ECT2: variants seen among roughly 807,000 people sequenced by gnomAD.
ECT2 encodes protein ECT2.
In ECT2, 61 loss-of-function variants were observed where a neutral mutation model predicts 116.9. The observed-to-expected ratio is 0.52, with a 90% CI of 0.42 to 0.65. The LOEUF (loss-of-function observed/expected upper bound fraction) is 0.65. ECT2 is among the 30% of genes least tolerant of loss of function. ECT2 has a pLI of 0.00. For missense variants in ECT2, 937 were observed against 1,078.7 expected (o/e 0.87, Z 1.84); for synonymous variants, 358 against 346.4 (o/e 1.03, Z -0.37).
intron 18 of ECT2, among the ~76,000 whole-genome samples, chr3:172,797,117 C>T (rs1325920485): frequency 6.6e-6 from 1 of 151,640 alleles, no homozygotes; most frequent in East Asian, 1.9e-4. Flanking sequence ...GCAACCTCCA[C>T]TTCCCAGGCT....
intron 12 of ECT2, among the ~76,000 whole-genome samples, chr3:172,768,484 AC>A (rs1258968990): frequency 4.6e-5 from 7 of 152,182 alleles, no homozygotes; most frequent in Non-Finnish European, 1.5e-5. Flanking sequence ...AGCTTTAAGT[AC>A]TTAAATGTCT....
Position 172,816,751 on chromosome 3 carries a change from A to G in ECT2, c.2569A>G (p.Thr857Ala). The change falls in exon 24 of 25, where the codon ACA (threonine) becomes GCA (alanine). Residue 857 changes from threonine to alanine, a missense_variant. Physicochemically the swap from Thr to Ala is moderately conservative, Grantham distance 58 (BLOSUM62 0). Transcript: ENST00000392692. Reference sequence around the variant, plus strand: ...AAGAGCTCTTCGAAGGGCTCTTATGACATCCCACGGCTCAGTGGAGGGAAG... The same window carrying G: ...AAGAGCTCTTCGAAGGGCTCTTATGGCATCCCACGGCTCAGTGGAGGGAAG... ...PKRALRRALM[T>A]SHGSVEGRSP... 1 of 1,611,006 alleles carries G rather than the reference A, an allele frequency of 6.2e-7. No individual in the cohort carries two copies. The highest frequency in any genetic ancestry group is 8.5e-7 in the Non-Finnish European group (1 of 1,177,908).
At chr3:172,802,174 G>C (rs1041551517) in intron 18 of ECT2, among the ~76,000 whole-genome samples, 1 of 152,060 alleles carries the variant, frequency 6.6e-6, no homozygotes, top group African/African-American at 2.4e-5. Flanking sequence ...GAGTGGAATG[G>C]TGTGATCTTG....
At position 172,755,316 on chromosome 3, in the gene ECT2, CAA is replaced by C. The variant is rs755040037; in HGVS notation, c.153_154del (p.Arg52SerfsTer21). ...ACAGAAGAGATGCCTCAGATTGAAA[CAA>C]GAGTGATATTGGTTCAAGAAGCTGG... On this transcript the variant is annotated frameshift_variant, in exon 3 of 25. Transcript: ENST00000392692. LOFTEE classifies it high-confidence loss of function. 6 of 1,605,522 alleles carry C rather than the reference CAA, an allele frequency of 3.7e-6. No homozygotes were observed. Among genetic ancestry groups the C allele is most frequent in the Non-Finnish European group, 5.1e-6 (6 of 1,178,020 alleles).
At chr3:172,806,461 C>T (rs1455515703) in intron 21 of ECT2, among the ~76,000 whole-genome samples, 5 of 152,058 alleles carry the variant, frequency 3.3e-5, no homozygotes, top group Non-Finnish European at 7.4e-5. Context: ...ACAACAGTGT[C>T]ATCTGTTTAA....
chr3:172,779,286 TTC>T (rs1722288859), intron 14 of ECT2, among the ~76,000 whole-genome samples: 1 of 152,192 alleles, frequency 6.6e-6, no homozygotes, highest in Admixed American at 6.5e-5. Flanking sequence ...ATATTTTTCT[TTC>T]TTTTTTTTCT....
At chr3:172,770,895 G>T (rs1236771189) in intron 13 of ECT2, among the ~76,000 whole-genome samples, 1 of 152,006 alleles carries the variant, frequency 6.6e-6, no homozygotes, top group Non-Finnish European at 1.5e-5. Context: ...CAAATGGAAG[G>T]TATCAGCATA....
chr3:172,806,868 C>G (rs571616915), intron 21 of ECT2, among the ~76,000 whole-genome samples: 26 of 152,078 alleles, frequency 1.7e-4, no homozygotes, highest in Non-Finnish European at 3.4e-4. Flanking sequence ...GTCTTGAACT[C>G]CTGACCTCAA....
chr3:172,770,363 A>G (rs566878856), intron 13 of ECT2, among the ~76,000 whole-genome samples: 2 of 151,548 alleles, frequency 1.3e-5, no homozygotes, highest in South Asian at 4.1e-4. Flanking sequence ...TTGCATATCA[A>G]TTAAATTCAC....
chr3:172,751,636 T>C (rs73880258), intron 1 of ECT2, among the ~76,000 whole-genome samples: 9,328 of 152,254 alleles, frequency 0.061, 965 homozygotes, highest in African/African-American at 0.21. Flanking sequence ...GTCCTTCACC[T>C]TGGAAGATGA....
intron 14 of ECT2, among the ~76,000 whole-genome samples, chr3:172,774,666 T>A (rs11916712): frequency 0.061 from 9,298 of 151,890 alleles, 962 homozygotes; most frequent in African/African-American, 0.21. Context: ...CTAATTTTTT[T>A]AAAAAAGTTT....
At chr3:172,819,876 T>C (rs1007828302) in intron 24 of ECT2, among the ~76,000 whole-genome samples, 7 of 152,148 alleles carry the variant, frequency 4.6e-5, no homozygotes, top group Non-Finnish European at 8.8e-5. Context: ...TAGGTATCAC[T>C]ACTAGCAATA....
At chr3:172,812,826 A>G (rs1357557573) in intron 22 of ECT2, among the ~76,000 whole-genome samples, 1 of 152,158 alleles carries the variant, frequency 6.6e-6, no homozygotes, top group Non-Finnish European at 1.5e-5. Context: ...CTGTTGATTG[A>G]ATGAGATAAA....
At chr3:172,770,593 G>A (rs1297304849) in intron 13 of ECT2, among the ~76,000 whole-genome samples, 2 of 152,140 alleles carry the variant, frequency 1.3e-5, no homozygotes, top group African/African-American at 2.4e-5. Flanking sequence ...TCCTGCCTCA[G>A]CCTCCCAAAG....
intron 12 of ECT2, among the ~76,000 whole-genome samples, chr3:172,765,787 A>T (rs991016823): frequency 1.1e-4 from 16 of 152,084 alleles, no homozygotes; most frequent in African/African-American, 3.9e-4. Flanking sequence ...GCCTAATCTC[A>T]TGTGGTATTA....
chr3:172,760,327 TAGC>T (rs1278944263), intron 7 of ECT2, 64 bp downstream of exon 7: 29 of 874,784 alleles, frequency 3.3e-5, no homozygotes, highest in Admixed American at 4.8e-5. Context: ...GGTTTAATAA[TAGC>T]AGTCTTTTAT....
In ECT2 at chr3:172,805,769, G is replaced by T. The variant is rs779447704; in HGVS notation, c.2145G>T (p.Arg715Ser). 1.2e-5 allele frequency: 20 copies of T among 1,613,404 alleles called. No individual in the cohort carries two copies. The highest frequency in any genetic ancestry group is 1.7e-5 in the Non-Finnish European group (20 of 1,179,822). ...RKRHKVIGTF[R>S]SPHGQTRPPA... ...GGCACAAGGTTATTGGCACTTTTAG[G>T]AGTCCTCATGGCCAAACCCGACCCC... The change falls in exon 21 of 25, where the codon AGG becomes AGT. Residue 715 changes from arginine (R) to serine (S), a missense_variant. Physicochemically the swap from Arg to Ser is moderately radical, Grantham distance 110. Coordinates refer to ENST00000392692, the MANE Select transcript of ECT2 (RefSeq NM_001258315.2).
chr3:172,762,600 T>C (rs1718538359), intron 9 of ECT2, 54 bp downstream of exon 9: 1 of 1,575,254 alleles, frequency 6.3e-7, no homozygotes, highest in Non-Finnish European at 8.6e-7. Flanking sequence ...TAGGCCTGCT[T>C]AATCACTTCC....
chr3:172,765,011 A>G (rs1719058871), intron 12 of ECT2, among the ~76,000 whole-genome samples: 2 of 152,202 alleles, frequency 1.3e-5, no homozygotes, highest in African/African-American at 4.8e-5. Flanking sequence ...TTCTAGATTT[A>G]AGAAACAAAA....
Sources: gnomAD v4.1 joint callset for allele counts (sites outside exome capture counted in the v4.1 genomes callset) on GRCh38, gnomAD v4.1.1 for gene constraint, MANE v1.5 for transcripts, NCBI Gene and HGNC (gene_info 2026-07-23, HGNC 2026-07-21) for gene names.